The following CYP3A4 variants were observed in gnomAD, a reference collection of about 807,000 sequenced individuals.
The protein encoded by CYP3A4 is cytochrome P450 family 3 subfamily A member 4, also known as cytochrome P450 3A4.
A neutral mutation model predicts 54.9 loss-of-function variants in CYP3A4; 41 were observed. That is an observed-to-expected ratio of 0.75 (90% CI 0.58 to 0.97). The LOEUF is 0.97. Ranked by LOEUF, CYP3A4 falls within the 50% of genes least tolerant of loss-of-function variation. CYP3A4 has a pLI of 0.00. For synonymous variants in CYP3A4, 179 were observed against 205.2 expected (o/e 0.87, Z 1.09); for missense variants, 510 against 597.3 (o/e 0.85, Z 1.52).
intron 7 of CYP3A4, among the ~76,000 whole-genome samples, chr7:99,768,114 G>T (rs1394102250): frequency 6.6e-6 from 1 of 152,186 alleles, no homozygotes; most frequent in Admixed American, 6.5e-5. Context: ...GTTGATTAGT[G>T]GTTGCATATG....
chr7:99,768,571 A>G, intron 6 of CYP3A4, 69 bp from the exon 7 acceptor site: 1 of 1,611,152 alleles, frequency 6.2e-7, no homozygotes, highest in Non-Finnish European at 8.5e-7. Flanking sequence ...TGCATGCAAC[A>G]GGAAACCCAC....
At position 99,757,824 on chromosome 7, in the gene CYP3A4, A is replaced by G; in HGVS notation, c.*309T>C. On this transcript the variant is annotated 3_prime_UTR_variant, in exon 13 of 13. Transcript: ENST00000651514. Reference sequence around the variant, plus strand: ...TGGAGGAAATTATTGAGAAATGTTGATTCTCTTATCAGAGCTCAGGAGGAG... The same window carrying G: ...TGGAGGAAATTATTGAGAAATGTTGGTTCTCTTATCAGAGCTCAGGAGGAG... The G allele has an allele frequency of 4.1e-6, 1 of 246,840 alleles. No individual in the cohort carries two copies. The highest frequency in any genetic ancestry group is 7.9e-6 in the Non-Finnish European group (1 of 127,172). The allele number at this position is 246,840 out of a possible 1,614,324, so 15.3% of individuals were successfully genotyped here.
intron 12 of CYP3A4, among the ~76,000 whole-genome samples, chr7:99,760,175 G>T (rs1258475084): frequency 4.6e-5 from 7 of 152,154 alleles, no homozygotes; most frequent in Admixed American, 4.6e-4. Flanking sequence ...TTGAAAAGGA[G>T]CCCAGCTGGA....
At position 99,783,906 on chromosome 7, in the gene CYP3A4, G is replaced by C. The variant is rs547184133; in HGVS notation, c.71+105C>G. On this transcript the variant is annotated intron_variant, in intron 1 of 12. Coordinates refer to ENST00000651514, the MANE Select transcript of CYP3A4 (RefSeq NM_017460.6). Reference sequence around the variant, plus strand: ...TTACAGGTGTAAGCCACCACGCCCGGCCTGAACATCTTTTTTGATCTTCAA... The same window carrying C: ...TTACAGGTGTAAGCCACCACGCCCGCCCTGAACATCTTTTTTGATCTTCAA... The C allele has an allele frequency of 2.8e-5, 38 of 1,341,450 alleles. No individual in the cohort carries two copies. In the African/African-American group the frequency reaches 4.6e-4, roughly 16 times the overall value. The allele number at this position is 1,341,450 out of a possible 1,614,324, so 83.1% of individuals were successfully genotyped here.
intron 2 of CYP3A4, 57 bp downstream of exon 2, chr7:99,779,935 A>G (rs1360355031): frequency 1.3e-6 from 2 of 1,515,290 alleles, no homozygotes; most frequent in African/African-American, 2.8e-5. Context: ...TTACTGATGG[A>G]ACTAAGCTGC....
At chr7:99,769,971 G>C in intron 5 of CYP3A4, 115 bp from the exon 6 acceptor site, 1 of 1,571,850 alleles carries the variant, frequency 6.4e-7, no homozygotes, top group Non-Finnish European at 8.7e-7. Flanking sequence ...ATTTTGTGAT[G>C]TGTTTTCTGT....
At chr7:99,780,169 A>G in intron 1 of CYP3A4, 84 bp from the exon 2 acceptor site, 1 of 1,357,332 alleles carries the variant, frequency 7.4e-7, no homozygotes, top group Non-Finnish European at 1.0e-6. Flanking sequence ...GAGGAACTGG[A>G]ATGCTCAAGA....
At chr7:99,774,944 C>T (rs1263990671) in intron 3 of CYP3A4, among the ~76,000 whole-genome samples, 4 of 152,086 alleles carry the variant, frequency 2.6e-5, no homozygotes, top group African/African-American at 4.8e-5. Context: ...GAAACCCCAT[C>T]GTCTCAGCCC....
In CYP3A4 at chr7:99,762,037, G is replaced by C. The variant is rs766366164; in HGVS notation, c.1253+4C>G. 1.2e-5 allele frequency: 19 copies of C among 1,613,846 alleles called. No individual in the cohort carries two copies. Among genetic ancestry groups the C allele is most frequent in the East Asian group, 2.2e-5 (1 of 44,882 alleles). ...GGAGGGCTCCCTTCCCAGGGGCCTTGTACCTTTCAGGGAGGAACTTCTCAG... is the reference window on the plus strand; with the variant it reads ...GGAGGGCTCCCTTCCCAGGGGCCTTCTACCTTTCAGGGAGGAACTTCTCAG... On this transcript the variant is annotated splice_donor_region_variant and intron_variant, in intron 11 of 12. Coordinates refer to ENST00000651514, the MANE Select transcript of CYP3A4 (RefSeq NM_017460.6).
At chr7:99,765,543 T>G (rs780559599) in intron 9 of CYP3A4, among the ~76,000 whole-genome samples, 1 of 152,194 alleles carries the variant, frequency 6.6e-6, no homozygotes, top group Non-Finnish European at 1.5e-5. Flanking sequence ...TACATAGACA[T>G]ACAGACAAAA....
chr7:99,761,442 ATTCTCCTCC>A (rs1815326805), intron 11 of CYP3A4, among the ~76,000 whole-genome samples: 2 of 151,484 alleles, frequency 1.3e-5, no homozygotes, highest in East Asian at 1.9e-4. Flanking sequence ...TGTTTTTCTA[ATTCTCCTCC>A]TTCTCCTCCT....
intron 3 of CYP3A4, 100 bp from the exon 4 acceptor site, chr7:99,772,789 C>T (rs1267532892): frequency 8.2e-7 from 1 of 1,223,224 alleles, no homozygotes; most frequent in African/African-American, 1.5e-5. Context: ...TTACATAATC[C>T]CTTAGTTGTA....
At chr7:99,763,457 T>G (rs1282770868) in intron 10 of CYP3A4, among the ~76,000 whole-genome samples, 1 of 152,180 alleles carries the variant, frequency 6.6e-6, no homozygotes, top group African/African-American at 2.4e-5. Flanking sequence ...AGCAAATTCC[T>G]GTGTCCATAT....
chr7:99,767,073 A>G (rs1392946681), intron 8 of CYP3A4, 58 bp downstream of exon 8: 36 of 1,529,040 alleles, frequency 2.4e-5, no homozygotes, highest in Non-Finnish European at 3.2e-5. Flanking sequence ...TCATATGTAT[A>G]TTATCTAAAA....
intron 8 of CYP3A4, 26 bp from the exon 9 acceptor site, chr7:99,766,469 T>G: frequency 6.2e-7 from 1 of 1,613,330 alleles, no homozygotes. Flanking sequence ...GAAATTTCAC[T>G]GACAGAAAGT....
rs376489929 is a variant in CYP3A4, at chr7:99,782,718, T to C, written c.71+1293A>G. 6.6e-5 allele frequency among the ~76,000 whole-genome samples: 10 copies of C among 152,210 alleles called. No individual in the cohort carries two copies. In the East Asian group the frequency reaches 1.9e-3, roughly 29 times the overall value. ...CCATTTTGATCCTACCTGGATGCTT[T>C]TGCTGTCATCACTGGCTCACAGTCT... On this transcript the variant is annotated intron_variant, in intron 1 of 12. Transcript: ENST00000651514.
intron 7 of CYP3A4, 136 bp from the exon 8 acceptor site, chr7:99,767,394 C>T (rs907128458): frequency 1.3e-6 from 1 of 790,122 alleles, no homozygotes; most frequent in South Asian, 1.9e-5. Context: ...GCCATTCCTT[C>T]TATGACTTTT....
rs1238045827 is a variant in CYP3A4, at chr7:99,777,509, TGTGTGTGTGTAA to T, written c.218+507_218+518del. ...GTGTGTGTGTGTGTGTGTGTGTGTGTGTGTGTGTGTAAAAACCCTGACAAATAAATCAAAGAA... is the reference window on the plus strand; with the variant it reads ...GTGTGTGTGTGTGTGTGTGTGTGTGTAAACCCTGACAAATAAATCAAAGAA... On this transcript the variant is annotated intron_variant, in intron 3 of 12. Transcript: ENST00000651514. Among the ~76,000 whole-genome samples, 6 of 149,570 alleles carry T rather than the reference TGTGTGTGTGTAA, an allele frequency of 4.0e-5. No homozygotes were observed. The Admixed American group carries it at 4.0e-4, about 10-fold the overall frequency.
In CYP3A4 at chr7:99,762,220, C is replaced by T. The variant is rs746880896; in HGVS notation, c.1074G>A (p.Met358Ile). Residue 358 changes from methionine (M) to isoleucine (I), a missense_variant, in exon 11 of 13, where the codon ATG becomes ATA. Met to Ile is a conservative substitution (Grantham distance 10). Around this residue, in one of 2 missense-constraint regions of CYP3A4, gnomAD observed 238 missense variants for 322.5 expected, o/e 0.74. Coordinates refer to ENST00000651514, the MANE Select transcript of CYP3A4 (RefSeq NM_017460.6). ...DTVLQMEYLDMVVNETLRLFP... is the reference protein window; with the variant it reads ...DTVLQMEYLDIVVNETLRLFP... ...ATAATCTGAGCGTTTCATTCACCAC[C>T]ATGTCAAGATACTCCATCTGTAGCA... is the stretch of plus-strand genomic sequence containing the variant. 2 of 1,614,058 alleles carry T rather than the reference C, an allele frequency of 1.2e-6. No individual in the cohort carries two copies. Among genetic ancestry groups the T allele is most frequent in the Non-Finnish European group, 1.7e-6 (2 of 1,180,002 alleles).
Sources: gnomAD v4.1 joint callset for allele counts (sites outside exome capture counted in the v4.1 genomes callset) on GRCh38, gnomAD v4.1.1 for gene constraint, gnomAD v4.1.1 regional missense constraint, MANE v1.5 for transcripts, NCBI Gene and HGNC (gene_info 2026-07-23, HGNC 2026-07-21) for gene names.